NEURL1: variants seen among roughly 807,000 people sequenced by gnomAD.
NEURL1 encodes the protein neuralized E3 ubiquitin protein ligase 1.
A neutral mutation model predicts 41.2 loss-of-function variants in NEURL1; 26 were observed. That is an observed-to-expected ratio of 0.63 (90% CI 0.46 to 0.87). The LOEUF is 0.87. Among genes scored for constraint, NEURL1 ranks in the 40% least tolerant of loss-of-function variants. NEURL1 has a pLI of 0.00. For synonymous variants in NEURL1, 400 were observed against 402.3 expected, an observed-to-expected ratio of 0.99 and a Z score of 0.07; for missense variants, 761 against 871.1, an observed-to-expected ratio of 0.87 and a Z score of 1.59.
At chr10:103,532,788 T>G (rs921960886) in intron 1 of NEURL1, among the ~76,000 whole-genome samples, 12 of 152,086 alleles carry the variant, frequency 7.9e-5, no homozygotes, top group African/African-American at 2.9e-4. Flanking sequence ...AGGGAGGGCC[T>G]TTTTGGGTTA....
At chr10:103,543,464 GC>G (rs2034862343) in intron 1 of NEURL1, among the ~76,000 whole-genome samples, 1 of 152,192 alleles carries the variant, frequency 6.6e-6, no homozygotes, top group African/African-American at 2.4e-5. Flanking sequence ...AGAGTAAAGA[GC>G]CCGCACCATC....
intron 1 of NEURL1, among the ~76,000 whole-genome samples, chr10:103,547,827 T>G (rs10883880): frequency 0.87 from 131,533 of 151,360 alleles, 57,558 homozygotes; most frequent in East Asian, 1. Flanking sequence ...GGCAGGCCCA[T>G]CAGGGATCAG....
intron 1 of NEURL1, among the ~76,000 whole-genome samples, chr10:103,529,814 T>G (rs955505327): frequency 3.9e-5 from 6 of 152,214 alleles, no homozygotes; most frequent in Admixed American, 2.0e-4. Flanking sequence ...ATCTATTTTC[T>G]TTGGGTCAGG....
chr10:103,578,323 C>G (rs2035709555), intron 3 of NEURL1, among the ~76,000 whole-genome samples: 1 of 152,228 alleles, frequency 6.6e-6, no homozygotes, highest in South Asian at 2.1e-4. Flanking sequence ...ACCCCTCAAA[C>G]CAGCTCTTCA....
chr10:103,544,638 G>T (rs1204551952), intron 1 of NEURL1, among the ~76,000 whole-genome samples: 2 of 152,210 alleles, frequency 1.3e-5, no homozygotes, highest in Non-Finnish European at 2.9e-5. Flanking sequence ...CCCAAACAAA[G>T]TCTAATGTAG....
intron 1 of NEURL1, among the ~76,000 whole-genome samples, chr10:103,542,710 C>T (rs984326817): frequency 1.3e-5 from 2 of 152,208 alleles, no homozygotes; most frequent in Non-Finnish European, 2.9e-5. Flanking sequence ...AGACAAGTCA[C>T]TTACCCTCTT....
In NEURL1 at chr10:103,588,032, C is replaced by T. The variant is rs192777119; in HGVS notation, c.1340-1482C>T. On this transcript the variant is annotated intron_variant, in intron 4 of 5. Transcript: ENST00000369780. Reference sequence around the variant, plus strand: ...TCTAAGAAAGCTCATGGGCTGGGCGCGGCGGCTCACACCTGTAATCTCAGC... The same window carrying T: ...TCTAAGAAAGCTCATGGGCTGGGCGTGGCGGCTCACACCTGTAATCTCAGC... 4.9e-3 allele frequency among the ~76,000 whole-genome samples: 744 copies of T among 152,140 alleles called. 5 individuals carry two copies. The highest frequency in any genetic ancestry group is 0.016 in the African/African-American group (683 of 41,490).
intron 3 of NEURL1, among the ~76,000 whole-genome samples, chr10:103,572,797 G>A (rs982442156): frequency 2.0e-5 from 3 of 152,274 alleles, no homozygotes; most frequent in East Asian, 1.9e-4. Context: ...TCCAGGCAGA[G>A]GCTATGCAAG....
chr10:103,564,888 G>A (rs2035384170), intron 1 of NEURL1, among the ~76,000 whole-genome samples: 1 of 152,130 alleles, frequency 6.6e-6, no homozygotes, highest in Non-Finnish European at 1.5e-5. Flanking sequence ...CAGGATGGAG[G>A]AGGGGGTAGC....
At chr10:103,567,855 C>A (rs2035458687) in intron 1 of NEURL1, among the ~76,000 whole-genome samples, 1 of 152,162 alleles carries the variant, frequency 6.6e-6, no homozygotes, top group Admixed American at 6.5e-5. Context: ...AATAAGTTTG[C>A]CGTAAGAGTG....
At chr10:103,525,327 GGA>G (rs1215212341) in intron 1 of NEURL1, among the ~76,000 whole-genome samples, 3 of 136,680 alleles carry the variant, frequency 2.2e-5, no homozygotes, top group African/African-American at 7.8e-5. Context: ...TTTTTTTGGT[GGA>G]GTTTTTTTTC....
intron 4 of NEURL1, among the ~76,000 whole-genome samples, chr10:103,586,924 G>C (rs1263174150): frequency 6.6e-6 from 1 of 152,090 alleles, no homozygotes; most frequent in Non-Finnish European, 1.5e-5. Flanking sequence ...GGTGGTGCAC[G>C]CCTGTAAGCC....
chr10:103,518,289 G>A (rs1228759584), intron 1 of NEURL1, among the ~76,000 whole-genome samples: 1 of 152,024 alleles, frequency 6.6e-6, no homozygotes, highest in African/African-American at 2.4e-5. Flanking sequence ...TGTATAGTAT[G>A]GGCCTGTTTG....
In NEURL1 at chr10:103,591,040, C is replaced by T. The variant is rs1343146526; in HGVS notation, c.*668C>T. The T allele has an allele frequency of 2.0e-5, 3 of 153,166 alleles. No homozygotes were observed. The highest frequency in any genetic ancestry group is 4.4e-5 in the Non-Finnish European group (3 of 68,466). The allele number at this position is 153,166 out of a possible 1,614,324, so 9.5% of individuals were successfully genotyped here. A position where few individuals can be genotyped will look rare whatever the true frequency, so the allele number is the denominator to read the frequency against. Reference sequence around the variant, plus strand: ...CAGGCTGCAGCCTCATGCCATGTCTCTCTCCCACTACCTGATGGGCACATG... The same window carrying T: ...CAGGCTGCAGCCTCATGCCATGTCTTTCTCCCACTACCTGATGGGCACATG... On this transcript the variant is annotated 3_prime_UTR_variant, in exon 6 of 6. Coordinates refer to ENST00000369780, the MANE Select transcript of NEURL1 (RefSeq NM_004210.5).
intron 1 of NEURL1, among the ~76,000 whole-genome samples, chr10:103,522,871 C>A (rs2034384700): frequency 1.3e-5 from 2 of 151,902 alleles, no homozygotes; most frequent in Non-Finnish European, 2.9e-5. Context: ...CTTTGAAGTG[C>A]AACAGGAGCC....
At chr10:103,582,676 C>G (rs1364455118) in intron 3 of NEURL1, among the ~76,000 whole-genome samples, 1 of 152,144 alleles carries the variant, frequency 6.6e-6, no homozygotes, top group Non-Finnish European at 1.5e-5. Context: ...CTCTGCTGTC[C>G]CTACCAGACC....
rs75464427 is a variant in NEURL1 at position 103,565,312 on chromosome 10, C to A, written c.86-5560C>A. Among the ~76,000 whole-genome samples the A allele has an allele frequency of 1.4e-3, 214 of 152,294 alleles. 1 individual carries two copies. The highest frequency in any genetic ancestry group is 5.1e-3 in the African/African-American group (210 of 41,572). ...GGCTCAGTGGGTGATGATCACACAGCGAGCTGAGTACAGACAGAAGGGGCT... is the reference window on the plus strand; with the variant it reads ...GGCTCAGTGGGTGATGATCACACAGAGAGCTGAGTACAGACAGAAGGGGCT... On this transcript the variant is annotated intron_variant, in intron 1 of 5. Coordinates refer to ENST00000369780, the MANE Select transcript of NEURL1 (RefSeq NM_004210.5).
At chr10:103,523,910 G>A (rs2034409324) in intron 1 of NEURL1, among the ~76,000 whole-genome samples, 1 of 152,138 alleles carries the variant, frequency 6.6e-6, no homozygotes, top group Non-Finnish European at 1.5e-5. Context: ...AAACATGGGC[G>A]TGCAGCTCTT....
In NEURL1 at chr10:103,571,132, C is replaced by A. The variant is rs1368968461; in HGVS notation, c.327+19C>A. ...GCTGAAGGTGGGCCTGCCCCCTGCCCCCGCCCCCGCCTCCTGCTTCCTGCT... is the reference window on the plus strand; with the variant it reads ...GCTGAAGGTGGGCCTGCCCCCTGCCACCGCCCCCGCCTCCTGCTTCCTGCT... On this transcript the variant is annotated intron_variant, in intron 2 of 5. Transcript: ENST00000369780. 6.2e-7 allele frequency: 1 copy of A among 1,607,552 alleles called. No individual in the cohort carries two copies. The highest frequency in any genetic ancestry group is 1.7e-5 in the Admixed American group (1 of 59,896).
Sources: gnomAD v4.1 joint callset for allele counts (sites outside exome capture counted in the v4.1 genomes callset) on GRCh38, gnomAD v4.1.1 for gene constraint, MANE v1.5 for transcripts, NCBI Gene and HGNC (gene_info 2026-07-23, HGNC 2026-07-21) for gene names.